Variants in FCHSD2 observed in about 807,000 individuals in gnomAD.
FCHSD2 encodes F-BAR and double SH3 domains protein 2.
A neutral mutation model predicts 108.1 loss-of-function variants in FCHSD2; 38 were observed. The observed-to-expected ratio is 0.35, with a 90% confidence interval of 0.27 to 0.46. The LOEUF (loss-of-function observed/expected upper bound fraction) is 0.46, where lower values mean the gene tolerates loss of function less well. Among genes scored for constraint, FCHSD2 ranks in the 20% least tolerant of loss-of-function variants. FCHSD2 has a pLI of 1.00. For missense variants in FCHSD2, 751 were observed against 897.8 expected, an observed-to-expected ratio of 0.84 and a Z score of 2.09; for synonymous variants, 279 against 314.7, an observed-to-expected ratio of 0.89 and a Z score of 1.20.
chr11:72,941,344 G>A (rs1420839190), intron 8 of FCHSD2, among the ~76,000 whole-genome samples: 3 of 151,396 alleles, frequency 2.0e-5, no homozygotes, highest in East Asian at 1.9e-4. Context: ...AATCCCACAC[G>A]TTCAAAATAG....
chr11:73,108,232 G>C (rs1009746508), intron 2 of FCHSD2, among the ~76,000 whole-genome samples: 1 of 152,118 alleles, frequency 6.6e-6, no homozygotes, highest in African/African-American at 2.4e-5. Context: ...CAGATCTTTT[G>C]CCCATTTCTT....
chr11:72,899,498 T>A (rs1855483708), intron 10 of FCHSD2, among the ~76,000 whole-genome samples: 1 of 152,038 alleles, frequency 6.6e-6, no homozygotes, highest in Non-Finnish European at 1.5e-5. Flanking sequence ...CATGTCTGGC[T>A]GAGGCAGGAG....
chr11:72,926,150 G>A (rs989370237), intron 8 of FCHSD2, among the ~76,000 whole-genome samples: 1 of 152,168 alleles, frequency 6.6e-6, no homozygotes, highest in African/African-American at 2.4e-5. Flanking sequence ...AAGAGGGTGG[G>A]TTCCCAGTAA....
intron 2 of FCHSD2, among the ~76,000 whole-genome samples, chr11:73,102,635 G>T (rs556200743): frequency 6.6e-6 from 1 of 152,200 alleles, no homozygotes; most frequent in African/African-American, 2.4e-5. Flanking sequence ...ATTAGGCCAT[G>T]AGGGCTCTGC....
chr11:72,989,809 T>C (rs1435383978), intron 5 of FCHSD2, among the ~76,000 whole-genome samples: 3 of 152,124 alleles, frequency 2.0e-5, no homozygotes, highest in Non-Finnish European at 4.4e-5. Context: ...ACAAACCAAT[T>C]AGAAGTTTCA....
intron 8 of FCHSD2, among the ~76,000 whole-genome samples, chr11:72,961,112 T>TA (rs1264417924): frequency 1.3e-5 from 2 of 152,238 alleles, no homozygotes; most frequent in Non-Finnish European, 1.5e-5. Flanking sequence ...ACCCTGTTTT[T>TA]ATTCTTTAAT....
chr11:73,036,401 A>C (rs1390025870), intron 3 of FCHSD2, among the ~76,000 whole-genome samples: 1 of 152,116 alleles, frequency 6.6e-6, no homozygotes, highest in African/African-American at 2.4e-5. Flanking sequence ...TTGGAGTCAA[A>C]TAAATGTGGG....
chr11:72,892,109 G>A (rs944134625), intron 10 of FCHSD2, among the ~76,000 whole-genome samples: 8 of 152,336 alleles, frequency 5.3e-5, no homozygotes, highest in Non-Finnish European at 5.9e-5. Flanking sequence ...GCAACTGATA[G>A]AGACATTTAA....
chr11:73,070,290 T>C (rs1224432707), intron 3 of FCHSD2, among the ~76,000 whole-genome samples: 1 of 152,228 alleles, frequency 6.6e-6, no homozygotes, highest in East Asian at 1.9e-4. Flanking sequence ...CTCAGCTTCA[T>C]CTCATACCAC....
chr11:72,971,300 C>G (rs71479513), intron 8 of FCHSD2, among the ~76,000 whole-genome samples: 3 of 152,080 alleles, frequency 2.0e-5, no homozygotes, highest in Admixed American at 2.0e-4. Flanking sequence ...TAACAAAATA[C>G]GTGAAGACTG....
chr11:72,944,351 G>C (rs919120000), intron 8 of FCHSD2, among the ~76,000 whole-genome samples: 2 of 151,838 alleles, frequency 1.3e-5, no homozygotes, highest in Non-Finnish European at 2.9e-5. Context: ...ATTCAACAAC[G>C]CTTCATTCTA....
At chr11:72,850,976 GA>G (rs1344811470) in intron 13 of FCHSD2, among the ~76,000 whole-genome samples, 1 of 151,722 alleles carries the variant, frequency 6.6e-6, no homozygotes, top group Non-Finnish European at 1.5e-5. Flanking sequence ...GTGCATGCCT[GA>G]AGTCCCAGCT....
chr11:72,983,756 CAGA>C, intron 8 of FCHSD2: 1 of 453,984 alleles, frequency 2.2e-6, no homozygotes. Flanking sequence ...TAAAATAGCT[CAGA>C]AGTAGTTTCC....
chr11:73,084,729 T>A (rs1026381574), intron 2 of FCHSD2, among the ~76,000 whole-genome samples: 3 of 152,204 alleles, frequency 2.0e-5, no homozygotes, highest in Non-Finnish European at 4.4e-5. Flanking sequence ...TTTATGATAC[T>A]GGAATGCATC....
At chr11:73,065,814 T>A (rs1859276970) in intron 3 of FCHSD2, among the ~76,000 whole-genome samples, 1 of 152,062 alleles carries the variant, frequency 6.6e-6, no homozygotes, top group Non-Finnish European at 1.5e-5. Flanking sequence ...AAGGACCTCT[T>A]CAAGGAGCAC....
intron 2 of FCHSD2, among the ~76,000 whole-genome samples, chr11:73,122,150 T>G (rs1456083587): frequency 2.6e-5 from 4 of 152,198 alleles, no homozygotes; most frequent in Non-Finnish European, 5.9e-5. Context: ...TACCAGAGTT[T>G]TTTGTTGTTG....
chr11:72,959,218 G>GTAT (rs1565342294), intron 8 of FCHSD2, among the ~76,000 whole-genome samples: 2 of 61,566 alleles, frequency 3.2e-5, no homozygotes, highest in Non-Finnish European at 6.1e-5. Context: ...ATATCCAGCA[G>GTAT]TCTTTTTTTT....
At chr11:73,077,185 TTAA>T (rs1224681830) in intron 3 of FCHSD2, among the ~76,000 whole-genome samples, 4 of 151,270 alleles carry the variant, frequency 2.6e-5, no homozygotes, top group South Asian at 2.1e-4. Flanking sequence ...TTTGAAAACT[TTAA>T]TAATAATGTT....
At chr11:73,141,661 G>GCC (rs1565111057) in intron 1 of FCHSD2, among the ~76,000 whole-genome samples, 196 bp downstream of exon 1, 1 of 152,218 alleles carries the variant, frequency 6.6e-6, no homozygotes, top group Admixed American at 6.5e-5. Flanking sequence ...GGACGGACGA[G>GCC]CCCCGGCGGC....
Sources: gnomAD v4.1 joint callset for allele counts (sites outside exome capture counted in the v4.1 genomes callset) on GRCh38, gnomAD v4.1.1 for gene constraint, MANE v1.5 for transcripts, NCBI Gene and HGNC (gene_info 2026-07-23, HGNC 2026-07-21) for gene names.